The following FAR2 variants were observed in gnomAD, a reference collection of about 807,000 sequenced individuals.
The protein encoded by FAR2 is fatty acyl-CoA reductase 2.
In FAR2, 19 loss-of-function variants were observed where a neutral mutation model predicts 56.0. The observed-to-expected ratio is 0.34, with a 90% CI of 0.24 to 0.50. FAR2 has a LOEUF of 0.50. Ranked by LOEUF, FAR2 falls within the 20% of genes least tolerant of loss-of-function variation. The probability of loss-of-function intolerance (pLI) is 0.98; values close to 1 mark genes in which losing one functional copy is unlikely to be tolerated. For missense variants in FAR2, 508 were observed against 642.2 expected (o/e 0.79, Z 2.26); for synonymous variants, 219 against 218.8 (o/e 1.00, Z -0.01).
intron 1 of FAR2, among the ~76,000 whole-genome samples, chr12:29,210,662 C>T (rs764549888): frequency 2.0e-5 from 3 of 152,130 alleles, no homozygotes; most frequent in Non-Finnish European, 2.9e-5. Flanking sequence ...TCTTTTTTAA[C>T]TCTTGTAAAA....
intron 1 of FAR2, among the ~76,000 whole-genome samples, chr12:29,168,323 A>G (rs566430558): frequency 6.6e-6 from 1 of 152,316 alleles, no homozygotes; most frequent in South Asian, 2.1e-4. Flanking sequence ...GCAAATGTCA[A>G]ATTACCCTGA....
chr12:29,219,837 CAAAT>C (rs1038486388), intron 1 of FAR2, among the ~76,000 whole-genome samples: 3 of 151,980 alleles, frequency 2.0e-5, no homozygotes, highest in African/African-American at 7.2e-5. Context: ...TTTAAGAACT[CAAAT>C]AAAGAAAACT....
At chr12:29,247,728 A>G (rs996306217) in intron 1 of FAR2, among the ~76,000 whole-genome samples, 21 of 152,234 alleles carry the variant, frequency 1.4e-4, no homozygotes, top group African/African-American at 5.1e-4. Flanking sequence ...CTTTATTTCT[A>G]AACTCTGCAT....
At chr12:29,327,925 G>A (rs1949674082) in intron 10 of FAR2, among the ~76,000 whole-genome samples, 1 of 152,068 alleles carries the variant, frequency 6.6e-6, no homozygotes, top group Non-Finnish European at 1.5e-5. Flanking sequence ...AAACTAAAGA[G>A]CTTCTGCACA....
intron 1 of FAR2, among the ~76,000 whole-genome samples, chr12:29,168,303 T>C (rs1325868454): frequency 6.6e-6 from 1 of 152,162 alleles, no homozygotes; most frequent in East Asian, 1.9e-4. Flanking sequence ...TGGGGGACCT[T>C]ATATTCTTAG....
At chr12:29,171,983 G>C (rs966151632) in intron 1 of FAR2, 1 of 151,722 alleles carries the variant, frequency 6.6e-6, no homozygotes, top group African/African-American at 2.4e-5. Flanking sequence ...TCTGGGAAGT[G>C]AGGAGCGCCT....
intron 1 of FAR2, among the ~76,000 whole-genome samples, chr12:29,230,306 C>T (rs1286591513): frequency 6.6e-6 from 1 of 151,962 alleles, no homozygotes; most frequent in Non-Finnish European, 1.5e-5. Context: ...GATCATGCAA[C>T]TGTGAGTGAG....
At position 29,301,356 on chromosome 12, in the gene FAR2, C is replaced by T. The variant is rs1226646760; in HGVS notation, c.545+4156C>T. Among the ~76,000 whole-genome samples the T allele has an allele frequency of 5.3e-5, 8 of 152,116 alleles. No individual in the cohort carries two copies. The East Asian group carries it at 1.3e-3, about 26-fold the overall frequency. ...CTCAGCTCTACCTTCATATTGCCAG[C>T]TTCTGCCTAGTTGGTATATTTACCT... On this transcript the variant is annotated intron_variant, in intron 4 of 11. Transcript: ENST00000536681.
intron 1 of FAR2, among the ~76,000 whole-genome samples, chr12:29,201,116 C>A (rs1947406200): frequency 6.6e-6 from 1 of 152,136 alleles, no homozygotes; most frequent in South Asian, 2.1e-4. Context: ...ACATCATCTT[C>A]CTTTCCGTCT....
intron 1 of FAR2, among the ~76,000 whole-genome samples, chr12:29,150,849 A>G (rs1373457459): frequency 6.6e-6 from 1 of 152,218 alleles, no homozygotes; most frequent in Admixed American, 6.5e-5. Context: ...ACATTGGGCT[A>G]TAATTATCTA....
At chr12:29,300,092 G>T (rs1949138378) in intron 4 of FAR2, among the ~76,000 whole-genome samples, 1 of 152,108 alleles carries the variant, frequency 6.6e-6, no homozygotes, top group Non-Finnish European at 1.5e-5. Flanking sequence ...AAAAGCTTTT[G>T]GTGGCATAGA....
intron 4 of FAR2, among the ~76,000 whole-genome samples, chr12:29,299,213 C>CAAAAAAAAAAAAAAAAAAAAAAAAAAA (rs71042981): frequency 5.8e-5 from 6 of 103,568 alleles, no homozygotes; most frequent in Admixed American, 2.2e-4. Flanking sequence ...AACTTTGTCT[C>CAAAAAAAAAAAAAAAAAAAAAAAAAAA]AAAAAAAAAA....
At chr12:29,180,606 G>T (rs1164509849) in intron 1 of FAR2, among the ~76,000 whole-genome samples, 2 of 152,060 alleles carry the variant, frequency 1.3e-5, no homozygotes, top group African/African-American at 4.8e-5. Flanking sequence ...ATTGTCTTCT[G>T]ATAGTACTTT....
intron 1 of FAR2, among the ~76,000 whole-genome samples, chr12:29,226,248 T>C (rs1379327951): frequency 6.6e-6 from 1 of 152,238 alleles, no homozygotes; most frequent in Non-Finnish European, 1.5e-5. Context: ...GTTTAGTTTA[T>C]GATTGTATTT....
chr12:29,222,644 T>C (rs1947708833), intron 1 of FAR2, among the ~76,000 whole-genome samples: 1 of 152,064 alleles, frequency 6.6e-6, no homozygotes, highest in South Asian at 2.1e-4. Context: ...GTGAGGAGAA[T>C]TCTCAATAAA....
chr12:29,264,105 A>G (rs923921563), intron 1 of FAR2, among the ~76,000 whole-genome samples: 1 of 152,176 alleles, frequency 6.6e-6, no homozygotes, highest in Non-Finnish European at 1.5e-5. Flanking sequence ...TCAAGAACAC[A>G]TTAAAAAGAT....
chr12:29,154,086 A>T (rs1023281051), intron 1 of FAR2, among the ~76,000 whole-genome samples: 5 of 152,220 alleles, frequency 3.3e-5, no homozygotes, highest in South Asian at 2.1e-4. Flanking sequence ...ATAATTTTTT[A>T]AAAAGTTATC....
chr12:29,327,446 G>C (rs1949667535), intron 10 of FAR2, among the ~76,000 whole-genome samples: 1 of 152,142 alleles, frequency 6.6e-6, no homozygotes, highest in African/African-American at 2.4e-5. Context: ...GCATTGCCAA[G>C]TCAATCCTAA....
Position 29,263,197 on chromosome 12 carries a change from A to G in FAR2, c.-38-7215A>G, listed in dbSNP as rs543455507. ...GAGAAATATAGCCCTCAATACAATA[A>G]TAGCAGAGGCTTCAACACCCCACCT... On this transcript the variant is annotated intron_variant, in intron 1 of 11. Transcript: ENST00000536681. Among the ~76,000 whole-genome samples, 228 of 152,194 alleles carry G rather than the reference A, an allele frequency of 1.5e-3. 1 individual carries two copies. Among genetic ancestry groups the G allele is most frequent in the Non-Finnish European group, 2.1e-3 (144 of 68,036 alleles).
Sources: allele counts gnomAD v4.1 joint callset (sites outside exome capture counted in the v4.1 genomes callset), GRCh38; gene constraint gnomAD v4.1.1; transcripts MANE v1.5; gene names NCBI Gene and HGNC (gene_info 2026-07-23, HGNC 2026-07-21).